Variants in CACNA1C observed in about 807,000 individuals in gnomAD.
The protein encoded by CACNA1C is voltage-dependent L-type calcium channel subunit alpha-1C.
Under a neutral mutation model 229.0 loss-of-function variants are expected in CACNA1C, and 30 were observed. That is an observed-to-expected ratio of 0.13 (90% CI 0.10 to 0.18). CACNA1C has a LOEUF of 0.18. Among genes scored for constraint, CACNA1C ranks in the 10% least tolerant of loss-of-function variants. The pLI is 1.00. For missense variants in CACNA1C, 1,658 were observed against 2,845.0 expected, an observed-to-expected ratio of 0.58 and a Z score of 9.49; for synonymous variants, 1,114 against 1,132.5, an observed-to-expected ratio of 0.98 and a Z score of 0.33.
At chr12:2,421,198 G>T (rs1335109837) in intron 3 of CACNA1C, among the ~76,000 whole-genome samples, 1 of 152,196 alleles carries the variant, frequency 6.6e-6, no homozygotes, top group African/African-American at 2.4e-5. Flanking sequence ...AACATGTGAT[G>T]ATTGTAATTT....
intron 3 of CACNA1C, among the ~76,000 whole-genome samples, chr12:2,367,017 G>A (rs1405766193): frequency 6.6e-6 from 1 of 152,128 alleles, no homozygotes; most frequent in Non-Finnish European, 1.5e-5. Context: ...GTCCCACCAG[G>A]CCCCTCCACC....
chr12:2,230,512 A>T (rs958402258), intron 3 of CACNA1C, among the ~76,000 whole-genome samples: 4 of 152,218 alleles, frequency 2.6e-5, no homozygotes, highest in Non-Finnish European at 5.9e-5. Flanking sequence ...CCAAAAGGCT[A>T]AGAGGAGAAC....
chr12:2,326,828 CTGAGAGACGATCTGGTTCAATTGTCCT>C (rs1431938320), intron 3 of CACNA1C, among the ~76,000 whole-genome samples: 2 of 152,214 alleles, frequency 1.3e-5, no homozygotes, highest in Admixed American at 6.5e-5. Context: ...TGGAAGGTAC[CTGAGAGACGATCTGGTTCAATTGTCCT>C]TAACCAGGGT....
intron 3 of CACNA1C, among the ~76,000 whole-genome samples, chr12:2,125,712 T>C (rs907428917): frequency 1.3e-5 from 2 of 152,130 alleles, no homozygotes; most frequent in African/African-American, 2.4e-5. Flanking sequence ...GGGGTTCTGA[T>C]GCAAGTGGTC....
intron 6 of CACNA1C, among the ~76,000 whole-genome samples, chr12:2,491,650 GGAA>G (rs1303939174): frequency 6.6e-6 from 1 of 151,214 alleles, no homozygotes; most frequent in African/African-American, 2.4e-5. Flanking sequence ...AGGAGGAGGA[GGAA>G]GAGGAGGAGG....
chr12:2,100,135 C>T (rs1303045923), intron 1 of CACNA1C, among the ~76,000 whole-genome samples: 2 of 152,054 alleles, frequency 1.3e-5, no homozygotes, highest in Admixed American at 1.3e-4. Flanking sequence ...AGTATTTCTT[C>T]TATGAAAACA....
intron 1 of CACNA1C, among the ~76,000 whole-genome samples, chr12:2,041,347 G>A (rs1472023350): frequency 2.1e-5 from 3 of 140,258 alleles, no homozygotes; most frequent in Non-Finnish European, 4.5e-5. Context: ...CGCTGTCTTG[G>A]CTCACTGCAA....
intron 1 of CACNA1C, among the ~76,000 whole-genome samples, chr12:1,980,209 T>C (rs1401312390): frequency 6.6e-6 from 1 of 152,188 alleles, no homozygotes; most frequent in Non-Finnish European, 1.5e-5. Flanking sequence ...AATTTGGAAA[T>C]AATTCAAGTA....
In CACNA1C at chr12:2,605,726, C is replaced by A; in HGVS notation, c.3096C>A (p.Ile1032=). 6.2e-7 allele frequency: 1 copy of A among 1,614,046 alleles called. No individual in the cohort carries two copies. Among genetic ancestry groups the A allele is most frequent in the South Asian group, 1.1e-5 (1 of 91,086 alleles). The change falls in exon 24 of 47, where the codon ATC becomes ATA. Residue 1032 remains isoleucine, a synonymous_variant. Coordinates refer to ENST00000399655, the MANE Select transcript of CACNA1C (RefSeq NM_000719.7). The surrounding 1 kb of genome is among the most constrained non-coding windows in gnomAD (Gnocchi z 6.2). ...TCGCCATCCGGACCATCGGGAACATCGTGATTGTCACCACCCTGCTGCAGT... is the reference window on the plus strand; with the variant it reads ...TCGCCATCCGGACCATCGGGAACATAGTGATTGTCACCACCCTGCTGCAGT... The part of the protein sequence containing the change: ...VFVAIRTIGN[I]VIVTTLLQFM...
chr12:2,682,040 A>C (rs759545695), intron 42 of CACNA1C: 1 of 1,596,662 alleles, frequency 6.3e-7, no homozygotes. Flanking sequence ...TGCTCAGGAG[A>C]GCAAACCCCT....
intron 1 of CACNA1C, among the ~76,000 whole-genome samples, chr12:1,993,905 C>T (rs1181552597): frequency 1.3e-5 from 2 of 152,122 alleles, no homozygotes; most frequent in African/African-American, 4.8e-5. Context: ...TATGAAGCAA[C>T]TCTGAACAAT....
chr12:2,362,427 T>C (rs1044696916), intron 3 of CACNA1C, among the ~76,000 whole-genome samples: 7 of 152,192 alleles, frequency 4.6e-5, no homozygotes, highest in Non-Finnish European at 8.8e-5. Flanking sequence ...TCCTTCTGAA[T>C]CCTACATGTT....
At chr12:2,414,098 C>T (rs952340913) in intron 3 of CACNA1C, among the ~76,000 whole-genome samples, 2 of 151,168 alleles carry the variant, frequency 1.3e-5, no homozygotes, top group African/African-American at 4.9e-5. Context: ...CCGTTATTTG[C>T]TGGCCGTGGG....
At chr12:2,274,289 T>C (rs2086663503) in intron 3 of CACNA1C, among the ~76,000 whole-genome samples, 1 of 152,208 alleles carries the variant, frequency 6.6e-6, no homozygotes, top group South Asian at 2.1e-4. Flanking sequence ...TTCATTTCAC[T>C]CACTGCCTGC....
At chr12:2,211,359 T>A (rs1566424862) in intron 3 of CACNA1C, among the ~76,000 whole-genome samples, 1 of 152,206 alleles carries the variant, frequency 6.6e-6, no homozygotes, top group Non-Finnish European at 1.5e-5. Flanking sequence ...TGTGGGCACA[T>A]GGCTTCACCA....
intron 28 of CACNA1C, among the ~76,000 whole-genome samples, chr12:2,611,057 G>A (rs216002): frequency 1.0e-3 from 134 of 133,670 alleles, no homozygotes; most frequent in South Asian, 3.4e-3. Flanking sequence ...GGAGATGGAG[G>A]AGGGAGGGAT....
intron 3 of CACNA1C, among the ~76,000 whole-genome samples, chr12:2,262,667 T>C (rs1040417021): frequency 5.9e-5 from 9 of 152,284 alleles, no homozygotes; most frequent in Middle Eastern, 3.4e-3. Context: ...GCCAGAGGGA[T>C]GCCTTGCAGG....
chr12:2,666,124 G>A lies in CACNA1C; in HGVS notation c.4526+416G>A, dbSNP rs547436731. On this transcript the variant is annotated intron_variant, in intron 36 of 46. Transcript: ENST00000399655. This position sits in a 1 kb window ranked among gnomAD's most constrained non-coding sequence, Gnocchi z 5.3. ...GAATTGCCTGAACCTGGGAGGTGGA[G>A]GTTGCAGCGAGCTGAGATCACACCA... 9.2e-5 allele frequency among the ~76,000 whole-genome samples: 14 copies of A among 152,336 alleles called. No homozygotes were observed. The highest frequency in any genetic ancestry group is 2.9e-4 in the African/African-American group (12 of 41,570).
At chr12:2,637,785 C>G (rs1055837736) in intron 30 of CACNA1C, among the ~76,000 whole-genome samples, 2 of 152,218 alleles carry the variant, frequency 1.3e-5, no homozygotes, top group Admixed American at 6.5e-5. Flanking sequence ...ACATATATTC[C>G]CAGGGATATG....
Sources: gnomAD v4.1 joint callset for allele counts (sites outside exome capture counted in the v4.1 genomes callset) on GRCh38, gnomAD v4.1.1 for gene constraint, Gnocchi (gnomAD v3.1) non-coding constraint, MANE v1.5 for transcripts, NCBI Gene and HGNC (gene_info 2026-07-23, HGNC 2026-07-21) for gene names.